Variants in CFAP20DC observed in about 807,000 individuals in gnomAD.
CFAP20DC encodes the protein CFAP20 domain containing.
In CFAP20DC, 84 loss-of-function variants were observed where a neutral mutation model predicts 101.7. That is an observed-to-expected ratio of 0.83 (90% CI 0.69 to 0.99). The LOEUF is 0.99. Ranked by LOEUF, CFAP20DC falls within the 50% of genes least tolerant of loss-of-function variation. The pLI, the probability that CFAP20DC is intolerant of heterozygous loss-of-function variation, is 0.00. For missense variants in CFAP20DC, 1,007 were observed against 970.3 expected, an observed-to-expected ratio of 1.04 and a Z score of -0.50; for synonymous variants, 359 against 351.2, an observed-to-expected ratio of 1.02 and a Z score of -0.25.
In CFAP20DC at chr3:58,913,931, T is replaced by G. The variant is rs2084413835; in HGVS notation, c.394-67A>C. On this transcript the variant is annotated intron_variant, in intron 5 of 16. Coordinates refer to ENST00000482387, the MANE Select transcript of CFAP20DC (RefSeq NM_001394063.1). The surrounding 1 kb of genome is among the most constrained non-coding windows in gnomAD (Gnocchi z 4.4). ...AACACATAAATGAACAAACCATCTA[T>G]ATGTAGACATTCAAAGAGTTGAGGC... The G allele has an allele frequency of 6.6e-7, 1 of 1,523,482 alleles. No homozygotes were observed. Among genetic ancestry groups the G allele is most frequent in the Non-Finnish European group, 9.0e-7 (1 of 1,106,752 alleles). 94.4% of individuals were successfully genotyped at this position (1,523,482 alleles called of 1,614,324 possible).
chr3:58,942,692 C>T (rs978294109), intron 4 of CFAP20DC, among the ~76,000 whole-genome samples: 1 of 152,060 alleles, frequency 6.6e-6, no homozygotes, highest in African/African-American at 2.4e-5. Flanking sequence ...TTTTTTCGTA[C>T]CCTAGTGGCA....
chr3:58,723,782 G>T (rs935114524), intron 3 of CFAP20DC, among the ~76,000 whole-genome samples: 2 of 152,190 alleles, frequency 1.3e-5, no homozygotes, highest in African/African-American at 4.8e-5. Flanking sequence ...ATTAAATAAT[G>T]CAAGTAATGC....
At chr3:59,027,847 A>G (rs181013438) in intron 4 of CFAP20DC, among the ~76,000 whole-genome samples, 12 of 152,298 alleles carry the variant, frequency 7.9e-5, no homozygotes, top group African/African-American at 2.9e-4. Context: ...TGCCTTGATG[A>G]TGCAGTTTGG....
At chr3:58,759,748 C>T (rs946889534) in intron 15 of CFAP20DC, among the ~76,000 whole-genome samples, 2 of 152,218 alleles carry the variant, frequency 1.3e-5, no homozygotes, top group African/African-American at 4.8e-5. Context: ...CAGCTTTCTA[C>T]ATATGGCTAG....
rs2091422571 is a variant in CFAP20DC, at chr3:58,964,919, G to A, written c.279-27157C>T. Among the ~76,000 whole-genome samples the A allele has an allele frequency of 1.3e-5, 2 of 152,124 alleles. No individual in the cohort carries two copies. Among genetic ancestry groups the A allele is most frequent in the African/African-American group, 4.8e-5 (2 of 41,432 alleles). The stretch of plus-strand genomic sequence containing the variant: ...ATAGTGGACACTTGAAACCACTACT[G>A]AAATATTTTCTAAAAAGGTTCTGCC... On this transcript the variant is annotated intron_variant, in intron 4 of 16. Transcript: ENST00000482387. This position sits in a 1 kb window ranked among gnomAD's most constrained non-coding sequence, Gnocchi z 4.1.
intron 14 of CFAP20DC, among the ~76,000 whole-genome samples, chr3:58,817,013 C>A (rs561099089): frequency 2.5e-4 from 38 of 152,220 alleles, no homozygotes; most frequent in East Asian, 9.7e-4. Context: ...CTGGGAGGCA[C>A]CCCCCAGCAG....
intron 12 of CFAP20DC, chr3:58,862,643 C>T (rs1168733806): frequency 1.0e-6 from 1 of 985,026 alleles, no homozygotes; most frequent in African/African-American, 1.7e-5. Flanking sequence ...ATCTGTGCCT[C>T]ACTGTCCAAA....
chr3:58,891,300 G>A (rs2082228619), intron 6 of CFAP20DC, among the ~76,000 whole-genome samples: 1 of 151,654 alleles, frequency 6.6e-6, no homozygotes, highest in Non-Finnish European at 1.5e-5. Flanking sequence ...TGCAATGGCA[G>A]GCACTCTGCA....
At chr3:58,949,533 C>T (rs1227846898) in intron 4 of CFAP20DC, among the ~76,000 whole-genome samples, 2 of 152,106 alleles carry the variant, frequency 1.3e-5, no homozygotes, top group South Asian at 2.1e-4. Flanking sequence ...GCCTTCATTT[C>T]GTTATGTATC....
chr3:58,891,729 T>A (rs964597994), intron 6 of CFAP20DC, among the ~76,000 whole-genome samples: 3 of 152,204 alleles, frequency 2.0e-5, no homozygotes, highest in African/African-American at 7.2e-5. Flanking sequence ...GATGGATAGG[T>A]TGCAAAAATA....
chr3:58,850,693 C>G (rs2078150445), intron 12 of CFAP20DC, among the ~76,000 whole-genome samples: 1 of 150,222 alleles, frequency 6.7e-6, no homozygotes, highest in East Asian at 2.0e-4. Context: ...AGAGAAAAAA[C>G]AAAAAAGCAC....
At chr3:58,739,562 T>C (rs2067835184), downstream of CFAP20DC, among the ~76,000 whole-genome samples, 1 of 152,232 alleles carries the variant, frequency 6.6e-6, no homozygotes. Flanking sequence ...GCTCCTGCCT[T>C]CTCTGCATGT....
At chr3:59,022,324 C>T (rs1209095098) in intron 4 of CFAP20DC, among the ~76,000 whole-genome samples, 2 of 151,896 alleles carry the variant, frequency 1.3e-5, no homozygotes, top group Non-Finnish European at 2.9e-5. Flanking sequence ...ATGTCATACC[C>T]CTTTTCTGGG....
intron 5 of CFAP20DC, among the ~76,000 whole-genome samples, chr3:58,924,733 C>T (rs546003133): frequency 6.6e-6 from 1 of 152,284 alleles, no homozygotes; most frequent in East Asian, 1.9e-4. Flanking sequence ...ACCTCACCAA[C>T]ATCTGTTGTT....
At chr3:58,734,678 G>C (rs2067711427) in intron 3 of CFAP20DC, 1 of 427,664 alleles carries the variant, frequency 2.3e-6, no homozygotes, top group East Asian at 7.1e-5. Context: ...CTCTAACTTG[G>C]TGATTGCCTT....
intron 5 of CFAP20DC, among the ~76,000 whole-genome samples, chr3:58,931,905 C>T (rs561696579): frequency 9.9e-5 from 15 of 152,284 alleles, no homozygotes; most frequent in South Asian, 2.1e-4. Flanking sequence ...TCTCCAGCAA[C>T]GGAACAAAGC....
intron 4 of CFAP20DC, among the ~76,000 whole-genome samples, chr3:58,977,150 T>C (rs2092312951): frequency 6.6e-6 from 1 of 152,170 alleles, no homozygotes; most frequent in South Asian, 2.1e-4. Context: ...TTATAGGTTG[T>C]TTTGCTTGAA....
chr3:58,781,116 G>T (rs1273706061), intron 15 of CFAP20DC, among the ~76,000 whole-genome samples: 4 of 151,588 alleles, frequency 2.6e-5, no homozygotes, highest in Non-Finnish European at 5.9e-5. Context: ...AGTAAACCTA[G>T]AAATCAATAA....
chr3:59,046,115 C>A (rs563694275), intron 3 of CFAP20DC, 114 bp downstream of exon 3: 2 of 725,312 alleles, frequency 2.8e-6, no homozygotes, highest in Non-Finnish European at 4.4e-6. Context: ...AAAATTCTAT[C>A]ATCTTACATA....
Sources: gnomAD v4.1 joint callset for allele counts (sites outside exome capture counted in the v4.1 genomes callset) on GRCh38, gnomAD v4.1.1 for gene constraint, Gnocchi (gnomAD v3.1) non-coding constraint, MANE v1.5 for transcripts, NCBI Gene and HGNC (gene_info 2026-07-23, HGNC 2026-07-21) for gene names.